Variants in THOC1 observed in about 807,000 individuals in gnomAD.
THOC1 encodes THO complex subunit 1, also known as THO complex 1.
THOC1 carries 29 observed loss-of-function variants against 97.3 expected under a neutral mutation model. That is an observed-to-expected ratio of 0.30 (90% CI 0.22 to 0.41). The LOEUF (loss-of-function observed/expected upper bound fraction) is 0.41. Ranked by LOEUF, THOC1 falls within the 10% of genes least tolerant of loss-of-function variation. The pLI is 1.00. For synonymous variants in THOC1, 255 were observed against 257.0 expected (o/e 0.99, Z 0.07); for missense variants, 529 against 761.9 (o/e 0.69, Z 3.60).
At position 242,601 on chromosome 18, in the gene THOC1, C is replaced by T. The variant is rs910384960; in HGVS notation, c.918+3723G>A. Among the ~76,000 whole-genome samples, 1 of 152,156 alleles carries T rather than the reference C, an allele frequency of 6.6e-6. No individual in the cohort carries two copies. Among genetic ancestry groups the T allele is most frequent in the East Asian group, 1.9e-4 (1 of 5,194 alleles). On this transcript the variant is annotated intron_variant, in intron 11 of 20. Coordinates refer to ENST00000261600, the MANE Select transcript of THOC1 (RefSeq NM_005131.3). This position sits in a 1 kb window ranked among gnomAD's most constrained non-coding sequence, Gnocchi z 4.5. ...TCTATTACAGAGATGAAAGATCTAACCTTGTAATGACAAGCACTTTTCTAA... is the reference window on the plus strand; with the variant it reads ...TCTATTACAGAGATGAAAGATCTAATCTTGTAATGACAAGCACTTTTCTAA...
intron 4 of THOC1, among the ~76,000 whole-genome samples, chr18:262,236 T>A (rs1453442757): frequency 1.3e-5 from 2 of 152,234 alleles, no homozygotes; most frequent in Non-Finnish European, 2.9e-5. Context: ...CTGTAGCATT[T>A]AGCACATCCT....
chr18:256,872 T>C (rs1436151272), intron 7 of THOC1, among the ~76,000 whole-genome samples: 2 of 152,136 alleles, frequency 1.3e-5, no homozygotes, highest in Non-Finnish European at 2.9e-5. Flanking sequence ...ACTGTGCTAT[T>C]TGAAGAAAAT....
chr18:264,606 A>G (rs1912706106), intron 3 of THOC1, among the ~76,000 whole-genome samples: 1 of 152,244 alleles, frequency 6.6e-6, no homozygotes, highest in Non-Finnish European at 1.5e-5. Flanking sequence ...AAGAAACTGA[A>G]GCACAGAAAA....
At chr18:222,124 CT>C (rs1911114136) in intron 17 of THOC1, among the ~76,000 whole-genome samples, 1 of 152,180 alleles carries the variant, frequency 6.6e-6, no homozygotes, top group Non-Finnish European at 1.5e-5. Flanking sequence ...CTTTCACATA[CT>C]TTACAAGCAT....
At chr18:221,802 G>A (rs1199335536) in intron 17 of THOC1, among the ~76,000 whole-genome samples, 1 of 151,894 alleles carries the variant, frequency 6.6e-6, no homozygotes, top group Non-Finnish European at 1.5e-5. Context: ...TAGAGACGGG[G>A]TTTCACCGTG....
intron 9 of THOC1, among the ~76,000 whole-genome samples, chr18:250,079 A>G (rs1211929480): frequency 6.6e-6 from 1 of 152,176 alleles, no homozygotes; most frequent in Non-Finnish European, 1.5e-5. Flanking sequence ...CCTGTAAAAG[A>G]CTTTTGATCT....
intron 1 of THOC1, among the ~76,000 whole-genome samples, chr18:267,273 A>G (rs936550789): frequency 6.6e-6 from 1 of 152,170 alleles, no homozygotes; most frequent in African/African-American, 2.4e-5. Context: ...TGAAGTCACA[A>G]CTTTTTGGGG....
chr18:236,942 TTTTTC>T (rs999331872), intron 11 of THOC1, among the ~76,000 whole-genome samples: 32 of 152,220 alleles, frequency 2.1e-4, no homozygotes, highest in Middle Eastern at 3.4e-3. Flanking sequence ...TAGGCTTTTT[TTTTTC>T]TTTTATGTGA....
chr18:237,719 T>C (rs1159738966), intron 11 of THOC1, among the ~76,000 whole-genome samples: 1 of 152,204 alleles, frequency 6.6e-6, no homozygotes, highest in Admixed American at 6.5e-5. Context: ...AATTAGGGTC[T>C]AGAGGACTAA....
At chr18:232,345 G>A (rs1016136311) in intron 11 of THOC1, among the ~76,000 whole-genome samples, 6 of 151,988 alleles carry the variant, frequency 3.9e-5, no homozygotes, top group Non-Finnish European at 7.4e-5. Flanking sequence ...CAATCCTCCC[G>A]TCTTGGCCTC....
intron 18 of THOC1, among the ~76,000 whole-genome samples, chr18:218,075 GTAAT>G (rs1910955235): frequency 6.6e-6 from 1 of 152,180 alleles, no homozygotes; most frequent in South Asian, 2.1e-4. Flanking sequence ...AGAGGTCACA[GTAAT>G]TAACAACTCT....
At chr18:238,905 TTA>T (rs1421356088) in intron 11 of THOC1, among the ~76,000 whole-genome samples, 1 of 152,232 alleles carries the variant, frequency 6.6e-6, no homozygotes, top group Non-Finnish European at 1.5e-5. Flanking sequence ...AAAGATGACT[TTA>T]TGACTTTTCT....
chr18:248,983 T>C (rs892939457), intron 9 of THOC1, among the ~76,000 whole-genome samples: 2 of 152,138 alleles, frequency 1.3e-5, no homozygotes, highest in Non-Finnish European at 2.9e-5. Context: ...AGTTCCTGAC[T>C]TCATGATCTG....
At chr18:260,352 T>A (rs1263570262) in intron 4 of THOC1, 48 bp from the exon 5 acceptor site, 2 of 1,132,436 alleles carry the variant, frequency 1.8e-6, no homozygotes, top group South Asian at 1.7e-5. Context: ...AACTGTAGAG[T>A]AGAATAGCCT....
chr18:216,400 T>A (rs1484927423), intron 19 of THOC1, 86 bp downstream of exon 19: 1 of 1,434,372 alleles, frequency 7.0e-7, no homozygotes, highest in Admixed American at 2.1e-5. Context: ...TTCACATGAT[T>A]AAGTCAGTTT....
At chr18:267,870 C>T in intron 1 of THOC1, 96 bp downstream of exon 1, 3 of 1,332,246 alleles carry the variant, frequency 2.3e-6, no homozygotes, top group Non-Finnish European at 3.1e-6. Flanking sequence ...ACACCTCTGT[C>T]TCACTTTACC....
intron 1 of THOC1, 83 bp downstream of exon 1, chr18:267,883 A>G (rs530820462): frequency 2.1e-4 from 298 of 1,425,938 alleles, no homozygotes; most frequent in Non-Finnish European, 2.8e-4. Context: ...ACTTTACCCC[A>G]GGGCAAAATT....
At chr18:219,918 T>C (rs1401323869) in intron 17 of THOC1, among the ~76,000 whole-genome samples, 1 of 152,198 alleles carries the variant, frequency 6.6e-6, no homozygotes, top group East Asian at 1.9e-4. Context: ...GCATGGTTGA[T>C]TTTTAAAATG....
At chr18:258,763 G>A (rs1265977373) in intron 7 of THOC1, among the ~76,000 whole-genome samples, 2 of 151,954 alleles carry the variant, frequency 1.3e-5, no homozygotes, top group African/African-American at 2.4e-5. Flanking sequence ...ATTATTATTC[G>A]CTTTATGTAC....
Sources: gnomAD v4.1 joint callset for allele counts (sites outside exome capture counted in the v4.1 genomes callset) on GRCh38, gnomAD v4.1.1 for gene constraint, Gnocchi (gnomAD v3.1) non-coding constraint, MANE v1.5 for transcripts, NCBI Gene and HGNC (gene_info 2026-07-23, HGNC 2026-07-21) for gene names.